Variants in TTLL5 observed in about 807,000 individuals in gnomAD.
TTLL5 encodes the protein tubulin polyglutamylase TTLL5.
TTLL5 carries 132 observed loss-of-function variants against 168.4 expected under a neutral mutation model. That is an observed-to-expected ratio of 0.78 (90% CI 0.68 to 0.91). TTLL5 has a LOEUF of 0.91. TTLL5 is among the 40% of genes least tolerant of loss of function. TTLL5 has a pLI of 0.00. For missense variants in TTLL5, 1,545 were observed against 1,581.5 expected (o/e 0.98, Z 0.39); for synonymous variants, 546 against 558.6 (o/e 0.98, Z 0.32).
At chr14:75,950,961 C>A (rs1006666996) in intron 31 of TTLL5, among the ~76,000 whole-genome samples, 2 of 150,032 alleles carry the variant, frequency 1.3e-5, no homozygotes, top group Non-Finnish European at 3.0e-5. Context: ...GAGTTAAGAC[C>A]CTGTCTCAAA....
intron 15 of TTLL5, among the ~76,000 whole-genome samples, chr14:75,742,077 G>A (rs576790906): frequency 6.6e-6 from 1 of 152,108 alleles, no homozygotes; most frequent in African/African-American, 2.4e-5. Flanking sequence ...TTTAAATACA[G>A]CCATGCATTC....
intron 28 of TTLL5, among the ~76,000 whole-genome samples, chr14:75,857,400 G>GATAGATAC (rs1566632961): frequency 6.6e-6 from 1 of 152,004 alleles, no homozygotes; most frequent in Non-Finnish European, 1.5e-5. Flanking sequence ...TAGATAGATA[G>GATAGATAC]ATAGATAGAT....
chr14:75,678,222 A>G (rs987694330), intron 3 of TTLL5, among the ~76,000 whole-genome samples: 1 of 152,226 alleles, frequency 6.6e-6, no homozygotes, highest in African/African-American at 2.4e-5. Flanking sequence ...GACAAGTTAC[A>G]AAAATAGTAC....
Position 75,760,859 on chromosome 14 carries a change from AT to A in TTLL5, c.1551-3755del, listed in dbSNP as rs568246881. Among the ~76,000 whole-genome samples the A allele has an allele frequency of 4.5e-3, 680 of 152,272 alleles. 4 individuals are homozygous for A. Among genetic ancestry groups the A allele is most frequent in the South Asian group, 0.016 (78 of 4,824 alleles). On this transcript the variant is annotated intron_variant, in intron 18 of 31. Coordinates refer to ENST00000298832, the MANE Select transcript of TTLL5 (RefSeq NM_015072.5). ...TTTGGGCTTGGCAGTGTTTTTAGAC[AT>A]GACACAGAAAGCAATAAAAAACAAA... is the stretch of plus-strand genomic sequence containing the variant.
intron 12 of TTLL5, among the ~76,000 whole-genome samples, chr14:75,723,527 G>A (rs775138765): frequency 9.9e-5 from 15 of 152,258 alleles, no homozygotes; most frequent in Middle Eastern, 3.4e-3. Context: ...GCTCTTATAT[G>A]AGGGTAAATT....
Position 75,869,013 on chromosome 14 carries a change from A to AGTGTGTGTGTGTGTGTGT in TTLL5, c.3522+5184_3522+5201dup, listed in dbSNP as rs3138589. On this transcript the variant is annotated intron_variant, in intron 29 of 31. Transcript: ENST00000298832. Reference sequence around the variant, plus strand: ...TGGACTGGGGACATGAGAGGGGAGGAGTGTGTGTGTGTGTGTGTGTGTGTG... The same window carrying AGTGTGTGTGTGTGTGTGT: ...TGGACTGGGGACATGAGAGGGGAGGAGTGTGTGTGTGTGTGTGTGTGTGTGTGTGTGTGTGTGTGTGTG... Among the ~76,000 whole-genome samples, 222 of 124,510 alleles carry AGTGTGTGTGTGTGTGTGT rather than the reference A, an allele frequency of 1.8e-3. 1 individual carries two copies. Among genetic ancestry groups the AGTGTGTGTGTGTGTGTGT allele is most frequent in the African/African-American group, 5.6e-3 (183 of 32,724 alleles). 81.7% of individuals were successfully genotyped at this position (124,510 alleles called of 152,430 possible). A position where few individuals can be genotyped will look rare whatever the true frequency, so the allele number is the denominator to read the frequency against.
rs1230146916 is a variant in TTLL5 at position 75,683,540 on chromosome 14, C to G, written c.265-10C>G. ...TTTTTTTGCCTTCTTGTCTTTCTGT[C>G]TGCCCTCAGGTTCACCCAAGCAGCA... On this transcript the variant is annotated splice_polypyrimidine_tract_variant and intron_variant, in intron 4 of 31. Transcript: ENST00000298832. The G allele has an allele frequency of 6.2e-7, 1 of 1,607,298 alleles. No homozygotes were observed. The highest frequency in any genetic ancestry group is 8.5e-7 in the Non-Finnish European group (1 of 1,174,944).
chr14:75,872,528 G>A (rs956315532), intron 29 of TTLL5, among the ~76,000 whole-genome samples: 1 of 152,084 alleles, frequency 6.6e-6, no homozygotes, highest in Admixed American at 6.6e-5. Context: ...TCTGTAAATG[G>A]TGATGATGAG....
intron 30 of TTLL5, among the ~76,000 whole-genome samples, chr14:75,896,587 T>C (rs1048669030): frequency 6.6e-6 from 1 of 152,116 alleles, no homozygotes; most frequent in Middle Eastern, 3.2e-3. Context: ...ACCATTGAAA[T>C]AGAAAACTAG....
At chr14:75,859,411 A>C (rs1897296511) in intron 28 of TTLL5, among the ~76,000 whole-genome samples, 1 of 152,186 alleles carries the variant, frequency 6.6e-6, no homozygotes, top group Non-Finnish European at 1.5e-5. Context: ...TATTTAGAAA[A>C]ATTTGCAATA....
At chr14:75,703,089 C>A (rs1307211342) in intron 7 of TTLL5, among the ~76,000 whole-genome samples, 1 of 152,220 alleles carries the variant, frequency 6.6e-6, no homozygotes, top group African/African-American at 2.4e-5. Flanking sequence ...GATGAAGTAA[C>A]TCTTTCCAAG....
chr14:75,861,166 A>T (rs1199925240), intron 28 of TTLL5, among the ~76,000 whole-genome samples: 1 of 85,434 alleles, frequency 1.2e-5, no homozygotes, highest in Admixed American at 1.5e-4. Context: ...AGGAGATGGT[A>T]TACAATTGAG....
intron 31 of TTLL5, among the ~76,000 whole-genome samples, chr14:75,914,127 G>A (rs2033513651): frequency 6.9e-6 from 1 of 145,898 alleles, no homozygotes; most frequent in African/African-American, 2.6e-5. Flanking sequence ...TTTGAGATGA[G>A]TCCCGCTCTG....
chr14:75,856,194 C>A (rs1264617475), intron 28 of TTLL5, among the ~76,000 whole-genome samples: 1 of 152,172 alleles, frequency 6.6e-6, no homozygotes, highest in African/African-American at 2.4e-5. Context: ...AAAATCCCAT[C>A]TCTACTAAAC....
At chr14:75,822,767 T>G (rs1213343491) in intron 28 of TTLL5, among the ~76,000 whole-genome samples, 1 of 152,190 alleles carries the variant, frequency 6.6e-6, no homozygotes. Flanking sequence ...AGCCTCAGGG[T>G]TGTCGTCTCC....
intron 31 of TTLL5, among the ~76,000 whole-genome samples, chr14:75,909,486 G>T (rs972305592): frequency 2.0e-5 from 3 of 151,800 alleles, no homozygotes; most frequent in African/African-American, 7.3e-5. Context: ...TGACACTGGT[G>T]CATTCACTGT....
In TTLL5 at chr14:75,753,566, A is replaced by G. The variant is rs77924605; in HGVS notation, c.1550+611A>G. On this transcript the variant is annotated intron_variant, in intron 18 of 31. Transcript: ENST00000298832. ...GCACCCTAGTTATTTAGAGAAACCT[A>G]TATTATTTTGAGGATATATGTACGT... Among the ~76,000 whole-genome samples the G allele has an allele frequency of 8.1e-3, 1,236 of 152,292 alleles. 9 individuals carry two copies. The highest frequency in any genetic ancestry group is 0.026 in the African/African-American group (1,086 of 41,568).
intron 5 of TTLL5, 56 bp downstream of exon 5, chr14:75,683,712 G>C: frequency 7.2e-7 from 1 of 1,390,222 alleles, no homozygotes; most frequent in East Asian, 2.3e-5. Flanking sequence ...ATTGGGGCAT[G>C]TAGCCAGCAA....
At chr14:75,791,028 C>T (rs1595046782) in intron 26 of TTLL5, among the ~76,000 whole-genome samples, 2 of 138,004 alleles carry the variant, frequency 1.4e-5, no homozygotes, top group African/African-American at 5.5e-5. Flanking sequence ...TTGGCGTGAA[C>T]CTGGGAGGCG....
Sources: allele counts gnomAD v4.1 joint callset (sites outside exome capture counted in the v4.1 genomes callset), GRCh38; gene constraint gnomAD v4.1.1; transcripts MANE v1.5; gene names NCBI Gene and HGNC (gene_info 2026-07-23, HGNC 2026-07-21).